TG: variants seen among roughly 807,000 people sequenced by gnomAD.
The protein encoded by TG is thyroid hormones.
TG carries 270 observed loss-of-function variants against 324.7 expected under a neutral mutation model. The ratio of observed to expected loss-of-function variants is 0.83; its 90% CI spans 0.75 to 0.92. The LOEUF (loss-of-function observed/expected upper bound fraction) is 0.92, where lower values mean the gene tolerates loss of function less well. Ranked by LOEUF, TG falls within the 40% of genes least tolerant of loss-of-function variation. The pLI is 0.00. For synonymous variants in TG, 1,401 were observed against 1,327.0 expected (o/e 1.06, Z -1.21); for missense variants, 3,591 against 3,456.4 (o/e 1.04, Z -0.98).
intron 20 of TG, among the ~76,000 whole-genome samples, 190 bp downstream of exon 20, chr8:132,913,455 G>C (rs1819826958): frequency 6.6e-6 from 1 of 152,204 alleles, no homozygotes; most frequent in Non-Finnish European, 1.5e-5. Flanking sequence ...TGGCATGGCA[G>C]AAGGAGCCCC....
chr8:133,021,873 G>T, intron 39 of TG, 118 bp from the exon 40 acceptor site: 3 of 1,270,286 alleles, frequency 2.4e-6, no homozygotes, highest in Non-Finnish European at 3.4e-6. Context: ...CCACTGCATG[G>T]GGCTAAGTAT....
At chr8:133,058,085 G>C (rs1056393294) in intron 41 of TG, among the ~76,000 whole-genome samples, 14 of 152,220 alleles carry the variant, frequency 9.2e-5, no homozygotes, top group Non-Finnish European at 1.6e-4. Context: ...AGCTTGAGCT[G>C]AGTAGCAGCT....
intron 25 of TG, 135 bp from the exon 26 acceptor site, chr8:132,941,216 A>G: frequency 9.4e-7 from 1 of 1,064,516 alleles, no homozygotes; most frequent in Non-Finnish European, 1.4e-6. Context: ...CACAGAGAGC[A>G]TCTCATCTTG....
Position 132,974,374 on chromosome 8 carries a change from G to A in TG, c.6199+1633G>A, listed in dbSNP as rs141300934. On this transcript the variant is annotated intron_variant, in intron 34 of 47. Transcript: ENST00000220616. ...AAATTACATTCTTCACGTCCCTGCC[G>A]TTTCAGACCATGATGGATTTACGTG... 3.6e-3 allele frequency among the ~76,000 whole-genome samples: 545 copies of A among 152,298 alleles called. 4 individuals carry two copies. The highest frequency in any genetic ancestry group is 0.012 in the African/African-American group (491 of 41,550).
intron 35 of TG, chr8:132,988,578 G>A: frequency 7.3e-6 from 3 of 409,636 alleles, no homozygotes; most frequent in Non-Finnish European, 9.9e-6. Context: ...TTTTGAGAAA[G>A]TGAGGACAAT....
chr8:132,902,913 C>T (rs1818130039), intron 16 of TG, among the ~76,000 whole-genome samples: 1 of 152,182 alleles, frequency 6.6e-6, no homozygotes, highest in Non-Finnish European at 1.5e-5. Context: ...CATCCCTTAT[C>T]CCATTTTTGC....
chr8:132,983,417 G>C lies in TG; in HGVS notation c.6262+5G>C. ...TGCCTTCCCTCACAGAGAAAGGTAAGTTCATTGTCTTTTTATCTCTTGGAT... is the reference window on the plus strand; with the variant it reads ...TGCCTTCCCTCACAGAGAAAGGTAACTTCATTGTCTTTTTATCTCTTGGAT... On this transcript the variant is annotated splice_donor_5th_base_variant and intron_variant, in intron 35 of 47. Coordinates refer to ENST00000220616, the MANE Select transcript of TG (RefSeq NM_003235.5). The C allele has an allele frequency of 6.2e-7, 1 of 1,613,300 alleles. No homozygotes were observed.
At chr8:132,906,039 A>G (rs1818628572) in intron 16 of TG, among the ~76,000 whole-genome samples, 1 of 152,206 alleles carries the variant, frequency 6.6e-6, no homozygotes, top group Non-Finnish European at 1.5e-5. Flanking sequence ...CGGCTCTGGC[A>G]TAATTTCTCT....
chr8:133,117,611 A>G (rs952024663), intron 45 of TG, among the ~76,000 whole-genome samples: 4 of 152,100 alleles, frequency 2.6e-5, no homozygotes, highest in African/African-American at 9.7e-5. Context: ...AAGACAATCT[A>G]CTCCTCTAGA....
In TG at chr8:132,927,159, T is replaced by C. The variant is rs115145323; in HGVS notation, c.4700-1917T>C. Among the ~76,000 whole-genome samples, 193 of 152,198 alleles carry C rather than the reference T, an allele frequency of 1.3e-3. 1 individual carries two copies. The highest frequency in any genetic ancestry group is 4.6e-3 in the African/African-American group (189 of 41,440). On this transcript the variant is annotated intron_variant, in intron 22 of 47. Transcript: ENST00000220616. ...TATGTGTGTGCACGTTGTGTGTGCA[T>C]ATGTGTGTACACGTTGGAATTGTGC...
intron 30 of TG, among the ~76,000 whole-genome samples, chr8:132,967,156 C>A (rs113344307): frequency 0.28 from 38,992 of 141,686 alleles, 6,898 homozygotes; most frequent in African/African-American, 0.51. Context: ...CATCCATCCA[C>A]CCATCCAACC....
At position 132,882,668 on chromosome 8, in the gene TG, G is replaced by A. The variant is rs572030163; in HGVS notation, c.889+56G>A. 9 of 1,613,786 alleles carry A rather than the reference G, an allele frequency of 5.6e-6. No individual in the cohort carries two copies. The African/African-American group carries it at 1.2e-4, about 22-fold the overall frequency. On this transcript the variant is annotated intron_variant, in intron 7 of 47. Coordinates refer to ENST00000220616, the MANE Select transcript of TG (RefSeq NM_003235.5). ...TTTCCATTAGGGGGACGCCTCTTGG[G>A]TTTCAAAGTTGCTATGGTGTGTGTG... is the stretch of plus-strand genomic sequence containing the variant.
intron 23 of TG, 72 bp downstream of exon 23, chr8:132,929,264 A>C: frequency 9.6e-7 from 1 of 1,039,832 alleles, no homozygotes; most frequent in South Asian, 1.3e-5. Context: ...TTGTCGAGAC[A>C]AACCAAATCA....
chr8:133,094,794 C>A (rs1181545492), intron 41 of TG: 1 of 575,700 alleles, frequency 1.7e-6, no homozygotes, highest in Non-Finnish European at 3.1e-6. Flanking sequence ...ACTGAAGGTT[C>A]CCTTGTGCAG....
intron 10 of TG, among the ~76,000 whole-genome samples, chr8:132,890,628 G>A (rs1816096502): frequency 6.6e-6 from 1 of 152,206 alleles, no homozygotes; most frequent in Admixed American, 6.5e-5. Flanking sequence ...CCTAAGAGAG[G>A]CTCTTTTGAG....
intron 16 of TG, 95 bp downstream of exon 16, chr8:132,901,648 T>C (rs1208636611): frequency 3.0e-5 from 42 of 1,381,716 alleles, no homozygotes; most frequent in Non-Finnish European, 3.7e-5. Context: ...AAGGCAGGGG[T>C]GGGAGGGGAG....
intron 41 of TG, among the ~76,000 whole-genome samples, chr8:133,085,607 T>G (rs180890342): frequency 1.8e-4 from 27 of 152,258 alleles, no homozygotes; most frequent in African/African-American, 6.0e-4. Flanking sequence ...AGCAAAAGAT[T>G]CTTAACACTA....
chr8:133,094,893 A>G, intron 41 of TG, 151 bp from the exon 42 acceptor site: 1 of 1,012,220 alleles, frequency 9.9e-7, no homozygotes, highest in Non-Finnish European at 1.5e-6. Context: ...ACCAATCCTT[A>G]TCTTCCCATT....
intron 10 of TG, among the ~76,000 whole-genome samples, chr8:132,891,397 T>A (rs747040310): frequency 2.0e-5 from 3 of 152,188 alleles, no homozygotes; most frequent in Non-Finnish European, 4.4e-5. Context: ...TGCAGTGGCA[T>A]GATCTCAGTT....
Sources: allele counts gnomAD v4.1 joint callset (sites outside exome capture counted in the v4.1 genomes callset), GRCh38; gene constraint gnomAD v4.1.1; transcripts MANE v1.5; gene names NCBI Gene and HGNC (gene_info 2026-07-23, HGNC 2026-07-21).